The following GRM7 variants were observed in gnomAD, a reference collection of about 807,000 sequenced individuals.
GRM7 encodes glutamate metabotropic receptor 7.
In GRM7, 35 loss-of-function variants were observed where a neutral mutation model predicts 84.5. The ratio of observed to expected loss-of-function variants is 0.41; its 90% CI spans 0.32 to 0.55. GRM7 has a LOEUF of 0.55. Ranked by LOEUF, GRM7 falls within the 20% of genes least tolerant of loss-of-function variation. GRM7 has a pLI of 0.19. For missense variants in GRM7, 1,003 were observed against 1,194.6 expected (o/e 0.84, Z 2.36); for synonymous variants, 487 against 455.1 (o/e 1.07, Z -0.89).
chr3:7,166,471 A>T (rs1431295651), intron 2 of GRM7, among the ~76,000 whole-genome samples: 1 of 152,202 alleles, frequency 6.6e-6, no homozygotes, highest in Non-Finnish European at 1.5e-5. Flanking sequence ...TTTCTGAGAT[A>T]TCAAACTCAC....
At chr3:6,884,849 C>T (rs1459829596) in intron 1 of GRM7, among the ~76,000 whole-genome samples, 6 of 152,062 alleles carry the variant, frequency 3.9e-5, no homozygotes, top group Non-Finnish European at 7.4e-5. Context: ...CCACCCACCT[C>T]GGCCTCCCAA....
At chr3:7,292,098 T>C (rs1332630245) in intron 2 of GRM7, among the ~76,000 whole-genome samples, 1 of 152,176 alleles carries the variant, frequency 6.6e-6, no homozygotes, top group Non-Finnish European at 1.5e-5. Context: ...TCTTTTTCTT[T>C]ATAAATTACC....
At chr3:7,517,393 T>G (rs1239563) in intron 7 of GRM7, among the ~76,000 whole-genome samples, 4,010 of 152,046 alleles carry the variant, frequency 0.026, 78 homozygotes, top group Non-Finnish European at 0.039. Flanking sequence ...AGTATTAGTA[T>G]TATTAGTATT....
intron 1 of GRM7, among the ~76,000 whole-genome samples, chr3:6,972,793 A>C (rs1376809784): frequency 6.6e-6 from 1 of 152,194 alleles, no homozygotes; most frequent in Non-Finnish European, 1.5e-5. Flanking sequence ...ATGGGCCCCC[A>C]AAATAGCTTG....
At chr3:7,454,090 A>ACACCCTCT (rs1365192243) in intron 6 of GRM7, among the ~76,000 whole-genome samples, 1 of 140,122 alleles carries the variant, frequency 7.1e-6, no homozygotes, top group Non-Finnish European at 1.5e-5. Context: ...CTACACACAC[A>ACACCCTCT]CTCTCTCTCT....
chr3:7,337,237 C>A (rs1701455786), intron 4 of GRM7, among the ~76,000 whole-genome samples: 1 of 152,070 alleles, frequency 6.6e-6, no homozygotes. Flanking sequence ...AAAGCTGGAT[C>A]CTTCTCTCTC....
At chr3:6,901,027 T>A (rs546195891) in intron 1 of GRM7, among the ~76,000 whole-genome samples, 2 of 152,342 alleles carry the variant, frequency 1.3e-5, no homozygotes, top group East Asian at 3.9e-4. Context: ...TTTCTTCATT[T>A]AGTTTATTCT....
intron 1 of GRM7, among the ~76,000 whole-genome samples, chr3:6,977,143 G>C (rs964238126): frequency 1.3e-5 from 2 of 152,124 alleles, no homozygotes; most frequent in African/African-American, 4.8e-5. Flanking sequence ...GAAACCAAGT[G>C]TTGGCCAAAT....
In GRM7 at chr3:6,874,271, C is replaced by T. The variant is rs537732373; in HGVS notation, c.519+12364C>T. Among the ~76,000 whole-genome samples the T allele has an allele frequency of 1.5e-4, 23 of 152,328 alleles. No homozygotes were observed. In the South Asian group the frequency reaches 3.1e-3, roughly 21 times the overall value. ...TCATTATCAGTAAGTAGCTGAACAA[C>T]TCCGAGATCCTTCCTTTTCTTAAAT... is the stretch of plus-strand genomic sequence containing the variant. On this transcript the variant is annotated intron_variant, in intron 1 of 9. Coordinates refer to ENST00000357716, the MANE Select transcript of GRM7 (RefSeq NM_000844.4).
At chr3:6,959,210 A>G (rs1402465525) in intron 1 of GRM7, among the ~76,000 whole-genome samples, 1 of 152,188 alleles carries the variant, frequency 6.6e-6, no homozygotes, top group African/African-American at 2.4e-5. Context: ...GAAGAAAGGA[A>G]AGCTTAGAGA....
intron 1 of GRM7, among the ~76,000 whole-genome samples, chr3:7,051,358 T>C (rs373116073): frequency 6.6e-6 from 1 of 151,790 alleles, no homozygotes; most frequent in African/African-American, 2.4e-5. Flanking sequence ...TAAAAATTCC[T>C]GCTCAACTGG....
intron 1 of GRM7, among the ~76,000 whole-genome samples, chr3:7,005,168 T>A (rs2124883609): frequency 6.6e-6 from 1 of 152,278 alleles, no homozygotes; most frequent in African/African-American, 2.4e-5. Flanking sequence ...TACTGGATGC[T>A]GGTCATCATT....
chr3:7,468,844 C>T (rs1408233103), intron 7 of GRM7, among the ~76,000 whole-genome samples: 1 of 152,248 alleles, frequency 6.6e-6, no homozygotes, highest in Non-Finnish European at 1.5e-5. Flanking sequence ...TCCTTGCTAC[C>T]CCTTCACGAC....
At chr3:7,527,099 A>C (rs1239538) in intron 7 of GRM7, among the ~76,000 whole-genome samples, 93,243 of 151,752 alleles carry the variant, frequency 0.61, 29,709 homozygotes, top group African/African-American at 0.79. Context: ...AGCATTGAAT[A>C]CGTACATTGC....
chr3:7,224,022 G>C (rs1696896987), intron 2 of GRM7, among the ~76,000 whole-genome samples: 1 of 152,088 alleles, frequency 6.6e-6, no homozygotes, highest in Non-Finnish European at 1.5e-5. Context: ...AAGTCTCTCT[G>C]GTGTCTTTCT....
Position 7,062,827 on chromosome 3 carries a change from T to C in GRM7, c.520-83625T>C, listed in dbSNP as rs1697478357. ...AATATAGTGCACAAGAGATTGAATT[T>C]TACAAAGTATTTATCTTAGCTGTGC... On this transcript the variant is annotated intron_variant, in intron 1 of 9. Transcript: ENST00000357716. Among the ~76,000 whole-genome samples, 3 of 151,778 alleles carry C rather than the reference T, an allele frequency of 2.0e-5. No homozygotes were observed. The Admixed American group carries it at 2.0e-4, about 10-fold the overall frequency.
chr3:6,943,568 C>G (rs200453943), intron 1 of GRM7, among the ~76,000 whole-genome samples: 2 of 152,026 alleles, frequency 1.3e-5, no homozygotes, highest in East Asian at 3.9e-4. Flanking sequence ...ATCTTTATGC[C>G]GATATCCTAC....
At chr3:7,476,861 A>G (rs1698942396) in intron 7 of GRM7, among the ~76,000 whole-genome samples, 1 of 152,274 alleles carries the variant, frequency 6.6e-6, no homozygotes, top group Non-Finnish European at 1.5e-5. Context: ...TGTACACACC[A>G]TCTGAAATGC....
At chr3:7,657,997 A>G (rs996828319) in intron 8 of GRM7, among the ~76,000 whole-genome samples, 7 of 152,230 alleles carry the variant, frequency 4.6e-5, no homozygotes, top group African/African-American at 7.2e-5. Context: ...CTGAATCACT[A>G]AAGACCATAA....
Sources: gnomAD v4.1 joint callset for allele counts (sites outside exome capture counted in the v4.1 genomes callset) on GRCh38, gnomAD v4.1.1 for gene constraint, MANE v1.5 for transcripts, NCBI Gene and HGNC (gene_info 2026-07-23, HGNC 2026-07-21) for gene names.